ARHGEF3: variants seen among roughly 807,000 people sequenced by gnomAD.
The protein encoded by ARHGEF3 is Rho guanine nucleotide exchange factor 3.
Under a neutral mutation model 63.2 loss-of-function variants are expected in ARHGEF3, and 28 were observed. The ratio of observed to expected loss-of-function variants is 0.44; its 90% CI spans 0.33 to 0.61. The LOEUF (loss-of-function observed/expected upper bound fraction) is 0.61. Ranked by LOEUF, ARHGEF3 falls within the 20% of genes least tolerant of loss-of-function variation. The pLI is 0.03. For synonymous variants in ARHGEF3, 266 were observed against 254.2 expected, an observed-to-expected ratio of 1.05 and a Z score of -0.44; for missense variants, 533 against 659.3, an observed-to-expected ratio of 0.81 and a Z score of 2.10.
At position 57,009,297 on chromosome 3, in the gene ARHGEF3, G is replaced by C. The variant is rs991275915; in HGVS notation, c.62+25791C>G. The stretch of plus-strand genomic sequence containing the variant: ...AGTACCAAAAAATCTGTTAAGTGGA[G>C]ATCCACCAACTTGGGGCCTATCCCC... On this transcript the variant is annotated intron_variant, in intron 2 of 12. Transcript: ENST00000338458. Among the ~76,000 whole-genome samples the C allele has an allele frequency of 2.6e-5, 4 of 152,190 alleles. No homozygotes were observed. In the East Asian group the frequency reaches 7.7e-4, roughly 29 times the overall value.
intron 7 of ARHGEF3, among the ~76,000 whole-genome samples, chr3:56,742,918 T>G (rs985469528): frequency 3.9e-5 from 6 of 152,182 alleles, no homozygotes; most frequent in Non-Finnish European, 7.4e-5. Flanking sequence ...CACTGGGTAT[T>G]TTTTAAAAAA....
chr3:56,921,650 C>T (rs187202006), intron 3 of ARHGEF3, among the ~76,000 whole-genome samples: 52 of 152,306 alleles, frequency 3.4e-4, no homozygotes, highest in Non-Finnish European at 5.3e-4. Flanking sequence ...AATGGAGCAG[C>T]GGTGTCCAGA....
At chr3:57,034,711 T>C (rs1164353315) in intron 2 of ARHGEF3, among the ~76,000 whole-genome samples, 1 of 141,090 alleles carries the variant, frequency 7.1e-6, no homozygotes, top group Admixed American at 7.6e-5. Context: ...GGCTAGAGTA[T>C]AATGGTGTGA....
rs372525250 is a variant in ARHGEF3, at chr3:56,902,110, G to T, written c.130-19756C>A. Reference sequence around the variant, plus strand: ...TAAACAGACCACAAAAAGGATACTTGTTTACAGTATGGGAGCTAGAACAAG... The same window carrying T: ...TAAACAGACCACAAAAAGGATACTTTTTTACAGTATGGGAGCTAGAACAAG... On this transcript the variant is annotated intron_variant, in intron 3 of 12. Transcript: ENST00000338458. Among the ~76,000 whole-genome samples, 5 of 152,288 alleles carry T rather than the reference G, an allele frequency of 3.3e-5. 1 individual carries two copies. Among genetic ancestry groups the T allele is most frequent in the East Asian group, 3.9e-4 (2 of 5,188 alleles).
At chr3:57,001,555 C>A (rs564542670) in intron 2 of ARHGEF3, among the ~76,000 whole-genome samples, 1 of 152,316 alleles carries the variant, frequency 6.6e-6, no homozygotes, top group East Asian at 1.9e-4. Context: ...CCTGTAGCTA[C>A]AGAGCTTCAG....
Position 57,066,160 on chromosome 3 carries a change from A to G in ARHGEF3, c.-28+13066T>C, listed in dbSNP as rs1414366534. ...ACCTGTAATTGCAAGAGAACAAGGGAGGGACTTATTTTGCAGTCAATCAAA... is the reference window on the plus strand; with the variant it reads ...ACCTGTAATTGCAAGAGAACAAGGGGGGGACTTATTTTGCAGTCAATCAAA... On this transcript the variant is annotated intron_variant, in intron 1 of 12. Transcript: ENST00000338458. Among the ~76,000 whole-genome samples the G allele has an allele frequency of 1.3e-5, 2 of 152,142 alleles. 1 individual carries two copies.
chr3:56,773,660 C>T, intron 2 of ARHGEF3, 49 bp downstream of exon 2: 1 of 1,469,306 alleles, frequency 6.8e-7, no homozygotes, highest in Non-Finnish European at 9.2e-7. Context: ...ATGTTCCTTC[C>T]CGTACACCAT....
intron 3 of ARHGEF3, among the ~76,000 whole-genome samples, chr3:56,931,131 G>A (rs542460459): frequency 6.6e-6 from 1 of 152,216 alleles, no homozygotes; most frequent in South Asian, 2.1e-4. Context: ...AAACCTCAAG[G>A]CTTTTCCCTC....
Position 56,958,563 on chromosome 3 carries a change from C to A in ARHGEF3, c.129+260G>T, listed in dbSNP as rs186841966. Among the ~76,000 whole-genome samples the A allele has an allele frequency of 3.0e-3, 451 of 152,126 alleles. 5 individuals carry two copies. In the South Asian group the frequency reaches 0.03, roughly 10 times the overall value. ...CCTAGGCTGGTCTCAAACTCCTAGG[C>A]TCAAGCGATCCTCCCACATTGGCCT... On this transcript the variant is annotated intron_variant, in intron 3 of 12. Transcript: ENST00000338458.
At chr3:56,997,259 T>TC (rs926510223) in intron 2 of ARHGEF3, among the ~76,000 whole-genome samples, 33 of 152,028 alleles carry the variant, frequency 2.2e-4, no homozygotes, top group African/African-American at 8.0e-4. Flanking sequence ...GATGGACCAC[T>TC]CCCCCGGAGC....
chr3:57,015,975 A>C (rs1404022645), intron 2 of ARHGEF3, among the ~76,000 whole-genome samples: 2 of 152,112 alleles, frequency 1.3e-5, no homozygotes, highest in African/African-American at 4.8e-5. Flanking sequence ...GACAGAGACC[A>C]CAGAGGCAGG....
intron 4 of ARHGEF3, among the ~76,000 whole-genome samples, chr3:56,853,994 G>C (rs1043372414): frequency 6.6e-6 from 1 of 152,172 alleles, no homozygotes; most frequent in Non-Finnish European, 1.5e-5. Flanking sequence ...AGGAGATTGA[G>C]ACTGTCCTGG....
chr3:56,967,882 AAATATAT>A (rs1171465434), intron 2 of ARHGEF3, among the ~76,000 whole-genome samples: 11 of 61,590 alleles, frequency 1.8e-4, no homozygotes, highest in Admixed American at 3.6e-4. Flanking sequence ...TATATAATAT[AAATATAT>A]AATATATAAA....
intron 1 of ARHGEF3, among the ~76,000 whole-genome samples, chr3:57,056,608 T>C (rs1261622208): frequency 6.6e-6 from 1 of 151,336 alleles, no homozygotes; most frequent in Admixed American, 6.6e-5. Flanking sequence ...TGACGAGGAG[T>C]GGAAAGGGCA....
At chr3:56,797,459 CTGAGGTCATA>C (rs2107949970) in intron 1 of ARHGEF3, among the ~76,000 whole-genome samples, 1 of 152,268 alleles carries the variant, frequency 6.6e-6, no homozygotes, top group East Asian at 1.9e-4. Flanking sequence ...AGCAAGATCT[CTGAGGTCATA>C]TGATTCCTGG....
At chr3:56,950,844 G>T (rs1389047502) in intron 3 of ARHGEF3, among the ~76,000 whole-genome samples, 1 of 151,940 alleles carries the variant, frequency 6.6e-6, no homozygotes, top group Non-Finnish European at 1.5e-5. Flanking sequence ...GTTTATTGCA[G>T]CACTATTCAC....
chr3:57,036,137 T>C (rs1482912532), intron 1 of ARHGEF3, among the ~76,000 whole-genome samples: 1 of 152,136 alleles, frequency 6.6e-6, no homozygotes, highest in Non-Finnish European at 1.5e-5. Context: ...CCTGAGGGCC[T>C]GGTGCATAGT....
intron 3 of ARHGEF3, among the ~76,000 whole-genome samples, chr3:56,942,405 A>G (rs926249743): frequency 1.3e-5 from 2 of 152,124 alleles, no homozygotes; most frequent in African/African-American, 4.8e-5. Context: ...CTTTGATGTT[A>G]CTATTGTAAT....
intron 4 of ARHGEF3, among the ~76,000 whole-genome samples, chr3:56,815,160 A>AG (rs2038224157): frequency 6.6e-6 from 1 of 151,992 alleles, no homozygotes; most frequent in Non-Finnish European, 1.5e-5. Context: ...AATTAAAAAA[A>AG]AAAAAAAAAG....
Sources: gnomAD v4.1 joint callset for allele counts (sites outside exome capture counted in the v4.1 genomes callset) on GRCh38, gnomAD v4.1.1 for gene constraint, MANE v1.5 for transcripts, NCBI Gene and HGNC (gene_info 2026-07-23, HGNC 2026-07-21) for gene names.